CORO1C: variants seen among roughly 807,000 people sequenced by gnomAD.
CORO1C encodes the protein coronin 1C.
CORO1C carries 14 observed loss-of-function variants against 51.2 expected under a neutral mutation model. The observed-to-expected ratio is 0.27, with a 90% CI of 0.18 to 0.43. The LOEUF is 0.43. CORO1C is among the 20% of genes least tolerant of loss of function. The probability of loss-of-function intolerance (pLI) is 1.00; values close to 1 mark genes in which losing one functional copy is unlikely to be tolerated. For synonymous variants in CORO1C, 181 were observed against 210.5 expected (o/e 0.86, Z 1.21); for missense variants, 417 against 607.8 (o/e 0.69, Z 3.30).
At chr12:108,706,884 G>A (rs768501848) in intron 1 of CORO1C, among the ~76,000 whole-genome samples, 9 of 152,006 alleles carry the variant, frequency 5.9e-5, no homozygotes, top group Admixed American at 2.6e-4. Flanking sequence ...ATGCCTAGCC[G>A]TATTTTTATA....
chr12:108,671,993 G>T (rs180753234), intron 3 of CORO1C, among the ~76,000 whole-genome samples: 2 of 152,198 alleles, frequency 1.3e-5, no homozygotes, highest in African/African-American at 4.8e-5. Flanking sequence ...GAACTCCTGG[G>T]CTCAACCCGT....
chr12:108,722,810 A>C (rs1174126639), intron 1 of CORO1C, among the ~76,000 whole-genome samples: 1 of 152,208 alleles, frequency 6.6e-6, no homozygotes, highest in Admixed American at 6.5e-5. Flanking sequence ...CATCCTTTGA[A>C]GGTATGATAT....
Position 108,654,404 on chromosome 12 carries a change from T to C in CORO1C, c.757A>G (p.Met253Val). The change falls in exon 7 of 11, where the codon ATG becomes GTG. Residue 253 changes from methionine to valine, a missense_variant. Transcript: ENST00000261401. Reference protein sequence around the residue: ...RQLALWNPKNMQEPIALHEMD... With the variant: ...RQLALWNPKNVQEPIALHEMD... ...TCATGAAGAGCAATTGGTTCCTGCA[T>C]ATTTTTCTGGGGGGAAGATAATAAT... 1.2e-6 allele frequency: 2 copies of C among 1,603,608 alleles called. No individual in the cohort carries two copies. Among genetic ancestry groups the C allele is most frequent in the Non-Finnish European group, 1.7e-6 (2 of 1,170,962 alleles).
At chr12:108,689,624 C>A (rs118110680) in intron 2 of CORO1C, among the ~76,000 whole-genome samples, 1 of 152,132 alleles carries the variant, frequency 6.6e-6, no homozygotes, top group Non-Finnish European at 1.5e-5. Context: ...TTACACCACC[C>A]GAAGATGTAA....
At position 108,729,702 on chromosome 12, in the gene CORO1C, ATAC is replaced by A. The variant is rs931275168; in HGVS notation, c.-6+1724_-6+1726del. Among the ~76,000 whole-genome samples, 3 of 152,238 alleles carry A rather than the reference ATAC, an allele frequency of 2.0e-5. No homozygotes were observed. The East Asian group carries it at 5.8e-4, about 29-fold the overall frequency. On this transcript the variant is annotated intron_variant, in intron 1 of 10. Transcript: ENST00000261401. ...TGTGAAACATACCTCCAAACCAAAA[ATAC>A]TAGTTTCCTTAAATCATCTGAAATG...
chr12:108,676,911 T>C (rs1447611669), intron 3 of CORO1C, among the ~76,000 whole-genome samples: 3 of 152,226 alleles, frequency 2.0e-5, no homozygotes, highest in Non-Finnish European at 4.4e-5. Flanking sequence ...GCGTATTTCC[T>C]TAATATGCTT....
chr12:108,645,828 A>G lies in CORO1C; in HGVS notation c.*1575T>C, dbSNP rs138436436. On this transcript the variant is annotated 3_prime_UTR_variant, in exon 11 of 11. Transcript: ENST00000261401. ...CTTCGTGGTCCCAATGGCACTACAC[A>G]TTTCACGTTCAATCACAGACAGCCC... 4 of 152,282 alleles carry G rather than the reference A, an allele frequency of 2.6e-5. No individual in the cohort carries two copies. The highest frequency in any genetic ancestry group is 5.9e-5 in the Non-Finnish European group (4 of 68,042). The allele number at this position is 152,282 out of a possible 1,614,324, so 9.4% of individuals were successfully genotyped here.
At chr12:108,653,677 T>C (rs961072055) in intron 7 of CORO1C, among the ~76,000 whole-genome samples, 2 of 152,190 alleles carry the variant, frequency 1.3e-5, no homozygotes, top group African/African-American at 4.8e-5. Flanking sequence ...AGGAAGGTTT[T>C]TGGAGTTCAG....
chr12:108,660,978 A>T (rs2033237512), intron 4 of CORO1C, among the ~76,000 whole-genome samples: 1 of 152,174 alleles, frequency 6.6e-6, no homozygotes, highest in Non-Finnish European at 1.5e-5. Flanking sequence ...CCTCCTTTTT[A>T]CTGGTGAGGG....
intron 2 of CORO1C, among the ~76,000 whole-genome samples, chr12:108,692,409 T>G (rs995577622): frequency 7.2e-5 from 11 of 152,166 alleles, no homozygotes; most frequent in Non-Finnish European, 1.5e-4. Context: ...TACCACAATG[T>G]GTAGAAATGG....
chr12:108,667,934 A>G (rs1385840780), intron 3 of CORO1C, among the ~76,000 whole-genome samples: 1 of 152,210 alleles, frequency 6.6e-6, no homozygotes, highest in East Asian at 1.9e-4. Context: ...TCACGTGCTA[A>G]TTTTAAAGTA....
At chr12:108,652,459 G>A in intron 7 of CORO1C, 42 bp from the exon 8 acceptor site, 1 of 1,552,202 alleles carries the variant, frequency 6.4e-7, no homozygotes, top group Non-Finnish European at 8.9e-7. Context: ...ATTGTTAACT[G>A]AAACATCTGG....
intron 1 of CORO1C, among the ~76,000 whole-genome samples, chr12:108,728,060 G>A (rs1402774348): frequency 6.6e-6 from 1 of 152,138 alleles, no homozygotes; most frequent in East Asian, 1.9e-4. Context: ...ACAAGTGTTG[G>A]CAAGAATGTG....
At chr12:108,665,332 C>T (rs1285052702) in intron 3 of CORO1C, among the ~76,000 whole-genome samples, 1 of 152,144 alleles carries the variant, frequency 6.6e-6, no homozygotes, top group African/African-American at 2.4e-5. Flanking sequence ...TTTAACGGTT[C>T]CCTCAGCTGG....
At chr12:108,651,783 A>T (rs189443801) in intron 8 of CORO1C, among the ~76,000 whole-genome samples, 14 of 152,344 alleles carry the variant, frequency 9.2e-5, no homozygotes, top group Admixed American at 2.0e-4. Flanking sequence ...TCCACAGTAC[A>T]CACAAGGATA....
At chr12:108,706,230 A>G (rs1318453295) in intron 1 of CORO1C, among the ~76,000 whole-genome samples, 3 of 151,862 alleles carry the variant, frequency 2.0e-5, no homozygotes, top group African/African-American at 4.8e-5. Context: ...TGACAAAATT[A>G]AATACTCTTT....
chr12:108,688,963 G>A (rs868677863), intron 2 of CORO1C, among the ~76,000 whole-genome samples: 7 of 152,014 alleles, frequency 4.6e-5, no homozygotes, highest in Middle Eastern at 3.4e-3. Context: ...CCTGGGAGAC[G>A]GAGGTTGCAG....
chr12:108,709,949 T>C (rs2035132837), intron 1 of CORO1C, among the ~76,000 whole-genome samples: 1 of 152,246 alleles, frequency 6.6e-6, no homozygotes. Context: ...GATGTAGCAG[T>C]AAGTTATTCA....
chr12:108,723,699 C>T (rs977014174), intron 1 of CORO1C, among the ~76,000 whole-genome samples: 3 of 152,240 alleles, frequency 2.0e-5, no homozygotes, highest in Non-Finnish European at 4.4e-5. Flanking sequence ...GACAGAACAA[C>T]CACATTGTGA....
Sources: gnomAD v4.1 joint callset for allele counts (sites outside exome capture counted in the v4.1 genomes callset) on GRCh38, gnomAD v4.1.1 for gene constraint, MANE v1.5 for transcripts, NCBI Gene and HGNC (gene_info 2026-07-23, HGNC 2026-07-21) for gene names.